PDE10A: variants seen among roughly 807,000 people sequenced by gnomAD.
The protein encoded by PDE10A is phosphodiesterase 10A.
In PDE10A, 39 loss-of-function variants were observed where a neutral mutation model predicts 97.7. That is an observed-to-expected ratio of 0.40 (90% CI 0.31 to 0.52). The LOEUF (loss-of-function observed/expected upper bound fraction) is 0.52, where lower values mean the gene tolerates loss of function less well. Ranked by LOEUF, PDE10A falls within the 20% of genes least tolerant of loss-of-function variation. PDE10A has a pLI of 0.56. For synonymous variants in PDE10A, 371 were observed against 376.8 expected (o/e 0.98, Z 0.18); for missense variants, 731 against 1,047.8 (o/e 0.70, Z 4.17).
At chr6:165,361,011 T>TA (rs754614045) in intron 18 of PDE10A, among the ~76,000 whole-genome samples, 1 of 152,178 alleles carries the variant, frequency 6.6e-6, no homozygotes. Context: ...TCTTGCCACT[T>TA]AAATTCAGCA....
intron 1 of PDE10A, among the ~76,000 whole-genome samples, chr6:165,705,147 G>A (rs1791676181): frequency 6.6e-6 from 1 of 152,258 alleles, no homozygotes; most frequent in African/African-American, 2.4e-5. Flanking sequence ...AGCCTGGATG[G>A]GGCAGGGCTC....
intron 1 of PDE10A, among the ~76,000 whole-genome samples, chr6:165,684,315 A>G (rs1791056449): frequency 6.6e-6 from 1 of 152,180 alleles, no homozygotes; most frequent in South Asian, 2.1e-4. Context: ...ACAATCAATA[A>G]TTGTTCCAAA....
chr6:165,667,797 T>C (rs992453285), upstream of PDE10A, among the ~76,000 whole-genome samples: 6 of 152,200 alleles, frequency 3.9e-5, no homozygotes, highest in African/African-American at 1.4e-4. Flanking sequence ...ATGAAGATAC[T>C]GGTGTTAAAA....
intron 1 of PDE10A, among the ~76,000 whole-genome samples, chr6:165,619,364 GTAGTGTGGTGTAGTGTAGTCTAGTA>G (rs2128406922): frequency 8.6e-6 from 1 of 116,010 alleles, no homozygotes; most frequent in East Asian, 2.2e-4. Flanking sequence ...GTAGTCTAGT[GTAGTGTGGTGTAGTGTAGTCTAGTA>G]TAGTGTAGTG....
rs545149187 is a variant in PDE10A, at chr6:165,542,612, C to CTTTTTTTTT, written c.994+819_994+827dup. On this transcript the variant is annotated intron_variant, in intron 2 of 21. Coordinates refer to ENST00000539869, the MANE Select transcript of PDE10A (RefSeq NM_001385079.1). ...TTTAGGTCAAAAAGATGTCCTTGTTCTTTTTTTTTTTTTTTTTTTTTTTTT... is the reference window on the plus strand; with the variant it reads ...TTTAGGTCAAAAAGATGTCCTTGTTCTTTTTTTTTTTTTTTTTTTTTTTTTTTTTTTTTT... Among the ~76,000 whole-genome samples, 164 of 76,444 alleles carry CTTTTTTTTT rather than the reference C, an allele frequency of 2.1e-3. 6 individuals are homozygous for CTTTTTTTTT. Among genetic ancestry groups the CTTTTTTTTT allele is most frequent in the Non-Finnish European group, 3.0e-3 (114 of 38,220 alleles). The allele number at this position is 76,444 out of a possible 152,430, so 50.2% of individuals were successfully genotyped here.
intron 17 of PDE10A, among the ~76,000 whole-genome samples, chr6:165,386,469 G>A (rs16897785): frequency 0.21 from 31,776 of 151,982 alleles, 4,267 homozygotes; most frequent in African/African-American, 0.37. Context: ...TTCATTTAGG[G>A]CATGGGATGC....
intron 1 of PDE10A, among the ~76,000 whole-genome samples, chr6:165,686,532 A>G (rs9295311): frequency 0.072 from 10,974 of 152,222 alleles, 1,317 homozygotes; most frequent in African/African-American, 0.25. Flanking sequence ...CACCACGGTG[A>G]GCACAGAGGT....
chr6:165,945,613 T>C (rs1783739532), intron 1 of PDE10A, among the ~76,000 whole-genome samples: 1 of 152,204 alleles, frequency 6.6e-6, no homozygotes, highest in Non-Finnish European at 1.5e-5. Context: ...CATTCCACCA[T>C]GTGAAAACAC....
chr6:165,583,215 C>A (rs1309631041), intron 1 of PDE10A, among the ~76,000 whole-genome samples: 1 of 152,198 alleles, frequency 6.6e-6, no homozygotes, highest in South Asian at 2.1e-4. Flanking sequence ...GAAGTTAGGT[C>A]ACTTGCCAAA....
At chr6:165,948,868 C>T (rs570585747) in intron 1 of PDE10A, 1 of 152,424 alleles carries the variant, frequency 6.6e-6, no homozygotes, top group African/African-American at 2.4e-5. Flanking sequence ...GCCCAGAGTC[C>T]CAGTGAGAGA....
rs146699622 is a variant in PDE10A, at chr6:165,544,158, TAATA to T, written c.866-594_866-591del. On this transcript the variant is annotated intron_variant, in intron 1 of 21. Coordinates refer to ENST00000539869, the MANE Select transcript of PDE10A (RefSeq NM_001385079.1). ...AACATTATAGGTGCTACAAATTGTTTAATAAATAAATGAATACATTATTATCTTT... is the reference window on the plus strand; with the variant it reads ...AACATTATAGGTGCTACAAATTGTTTAATAAATGAATACATTATTATCTTT... Among the ~76,000 whole-genome samples, 1,298 of 152,308 alleles carry T rather than the reference TAATA, an allele frequency of 8.5e-3. 20 individuals carry two copies. The highest frequency in any genetic ancestry group is 0.03 in the African/African-American group (1,249 of 41,558).
At chr6:165,814,139 T>G (rs1477430834) in intron 1 of PDE10A, among the ~76,000 whole-genome samples, 1 of 152,162 alleles carries the variant, frequency 6.6e-6, no homozygotes, top group Non-Finnish European at 1.5e-5. Context: ...TGCAACACAT[T>G]CTGAATTTGG....
intron 1 of PDE10A, among the ~76,000 whole-genome samples, chr6:165,834,431 G>C (rs367857187): frequency 6.6e-6 from 1 of 152,234 alleles, no homozygotes. Context: ...GGCTGAGCTG[G>C]TGCCCCTGTC....
intron 2 of PDE10A, among the ~76,000 whole-genome samples, chr6:165,516,408 A>G (rs1028889065): frequency 7.2e-5 from 11 of 152,192 alleles, no homozygotes; most frequent in African/African-American, 2.4e-5. Flanking sequence ...TTCTTAATAT[A>G]TGAGTCATAG....
At chr6:165,809,955 G>T (rs1467851488) in intron 1 of PDE10A, among the ~76,000 whole-genome samples, 1 of 152,190 alleles carries the variant, frequency 6.6e-6, no homozygotes, top group Non-Finnish European at 1.5e-5. Context: ...TTCGCTCTGT[G>T]CAATGTGATG....
At chr6:165,442,330 T>C (rs4709936) in intron 5 of PDE10A, among the ~76,000 whole-genome samples, 4,140 of 152,166 alleles carry the variant, frequency 0.027, 179 homozygotes, top group Admixed American at 0.13. Flanking sequence ...TGTGTGATGT[T>C]CCCCACCCTG....
At chr6:165,559,324 G>C (rs1159030957) in intron 1 of PDE10A, among the ~76,000 whole-genome samples, 1 of 152,194 alleles carries the variant, frequency 6.6e-6, no homozygotes, top group African/African-American at 2.4e-5. Context: ...GATATACGTG[G>C]AAGTCATCCA....
At chr6:165,802,156 C>T (rs1010248064) in intron 1 of PDE10A, among the ~76,000 whole-genome samples, 4 of 152,192 alleles carry the variant, frequency 2.6e-5, no homozygotes, top group African/African-American at 7.2e-5. Context: ...CTCCTCTCTC[C>T]CTGGCTTTGA....
chr6:165,708,042 T>C (rs1345483292), intron 1 of PDE10A, among the ~76,000 whole-genome samples: 1 of 152,158 alleles, frequency 6.6e-6, no homozygotes, highest in African/African-American at 2.4e-5. Flanking sequence ...GACTTCTGCC[T>C]CCTTGCCAGC....
Sources: allele counts gnomAD v4.1 joint callset (sites outside exome capture counted in the v4.1 genomes callset), GRCh38; gene constraint gnomAD v4.1.1; transcripts MANE v1.5; gene names NCBI Gene and HGNC (gene_info 2026-07-23, HGNC 2026-07-21).